The following ANO3 variants were observed in gnomAD, a reference collection of about 807,000 sequenced individuals.
ANO3 encodes anoctamin 3.
ANO3 carries 99 observed loss-of-function variants against 144.8 expected under a neutral mutation model. The ratio of observed to expected loss-of-function variants is 0.68; its 90% CI spans 0.58 to 0.81. ANO3 has a LOEUF of 0.81. ANO3 is among the 30% of genes least tolerant of loss of function. The pLI, the probability that ANO3 is intolerant of heterozygous loss-of-function variation, is 0.00. For synonymous variants in ANO3, 414 were observed against 392.6 expected (o/e 1.05, Z -0.64); for missense variants, 905 against 1,202.2 (o/e 0.75, Z 3.66).
At chr11:26,222,972 C>T (rs778887940) in intron 1 of ANO3, among the ~76,000 whole-genome samples, 1 of 152,040 alleles carries the variant, frequency 6.6e-6, no homozygotes, top group Non-Finnish European at 1.5e-5. Flanking sequence ...GCTGTCAGCT[C>T]CCTTTTAGAC....
intron 7 of ANO3, 133 bp downstream of exon 7, chr11:26,525,812 C>A (rs1849148282): frequency 1.6e-6 from 1 of 614,636 alleles, no homozygotes; most frequent in East Asian, 3.1e-5. Flanking sequence ...AAGATATTTC[C>A]AAAATAACTT....
chr11:26,607,898 G>T (rs1449910259), intron 17 of ANO3, among the ~76,000 whole-genome samples: 1 of 152,174 alleles, frequency 6.6e-6, no homozygotes, highest in Admixed American at 6.5e-5. Flanking sequence ...TTAGCTCAGT[G>T]GTGTTTGTTA....
chr11:26,470,764 G>A (rs1022399463), intron 4 of ANO3, among the ~76,000 whole-genome samples: 20 of 151,892 alleles, frequency 1.3e-4, no homozygotes, highest in African/African-American at 4.8e-4. Flanking sequence ...TTAACACCGG[G>A]TGGTAAAATT....
At chr11:26,639,048 C>T in intron 20 of ANO3, 96 bp from the exon 21 acceptor site, 2 of 800,710 alleles carry the variant, frequency 2.5e-6, no homozygotes, top group South Asian at 1.6e-5. Context: ...ATGGTGTGAC[C>T]CAGCTTTAAA....
chr11:26,450,410 G>A (rs766175168), intron 3 of ANO3, among the ~76,000 whole-genome samples: 1 of 152,148 alleles, frequency 6.6e-6, no homozygotes, highest in Non-Finnish European at 1.5e-5. Flanking sequence ...GAACAATAGG[G>A]CTAGGGAGAA....
At chr11:26,508,927 A>C (rs1308710907) in intron 5 of ANO3, 2 of 151,888 alleles carry the variant, frequency 1.3e-5, no homozygotes, top group African/African-American at 4.8e-5. Context: ...CAATATCTAC[A>C]GTCTCTCAAA....
chr11:26,285,883 A>C (rs1303433796), intron 1 of ANO3: 3 of 152,146 alleles, frequency 2.0e-5, no homozygotes, highest in African/African-American at 7.2e-5. Context: ...CATCCCTCAA[A>C]GTGGAGTCCC....
rs5790575 is a variant in ANO3, at chr11:26,378,894, G to GTT, written c.46+46581_46+46582dup. On this transcript the variant is annotated intron_variant, in intron 1 of 26. Coordinates refer to ENST00000256737, the MANE Select transcript of ANO3 (RefSeq NM_031418.4). ...TCATTATAAGTCTTTAGGAGGCTAA[G>GTT]TTTTTTTTTAAGATTCTGAGATTTA... Among the ~76,000 whole-genome samples, 23 of 146,904 alleles carry GTT rather than the reference G, an allele frequency of 1.6e-4. No individual in the cohort carries two copies. In the East Asian group the frequency reaches 3.1e-3, roughly 20 times the overall value.
At chr11:26,570,409 T>C (rs1337913627) in intron 14 of ANO3, among the ~76,000 whole-genome samples, 1 of 152,110 alleles carries the variant, frequency 6.6e-6, no homozygotes, top group Non-Finnish European at 1.5e-5. Context: ...CATTATTCTG[T>C]CCAGGCTCTC....
chr11:26,541,479 T>C (rs1590491602), intron 10 of ANO3, among the ~76,000 whole-genome samples: 1 of 152,114 alleles, frequency 6.6e-6, no homozygotes, highest in East Asian at 1.9e-4. Context: ...CTAGCACTGG[T>C]GGCTGAGGCC....
chr11:26,404,205 T>A (rs1857218980), intron 1 of ANO3, among the ~76,000 whole-genome samples: 1 of 151,728 alleles, frequency 6.6e-6, no homozygotes, highest in Admixed American at 6.6e-5. Flanking sequence ...AATATTTTAA[T>A]GAAAGAAAGA....
At chr11:26,531,130 A>C in intron 7 of ANO3, 75 bp from the exon 8 acceptor site, 2 of 1,530,608 alleles carry the variant, frequency 1.3e-6, no homozygotes, top group Non-Finnish European at 1.8e-6. Flanking sequence ...TTAGTACTTA[A>C]GTGAATTGTA....
chr11:26,332,224 C>T lies in ANO3; in HGVS notation c.-52C>T, dbSNP rs1000875275. 21 of 1,613,916 alleles carry T rather than the reference C, an allele frequency of 1.3e-5. No homozygotes were observed. In the Admixed American group the frequency reaches 2.2e-4, roughly 17 times the overall value. On this transcript the variant is annotated 5_prime_UTR_variant, in exon 1 of 27. Transcript: ENST00000256737. Reference sequence around the variant, plus strand: ...CGTCTAGAGTCTGGCTACTGTTCCTCCGCCTCCCTCTCGGGCAGCTCCCTA... The same window carrying T: ...CGTCTAGAGTCTGGCTACTGTTCCTTCGCCTCCCTCTCGGGCAGCTCCCTA...
intron 20 of ANO3, among the ~76,000 whole-genome samples, chr11:26,638,104 TA>T (rs1482963851): frequency 6.6e-6 from 1 of 152,152 alleles, no homozygotes; most frequent in Admixed American, 6.5e-5. Flanking sequence ...ATTTATCACT[TA>T]AAAATGCATT....
At chr11:26,379,471 G>A (rs1856521913) in intron 1 of ANO3, among the ~76,000 whole-genome samples, 3 of 152,062 alleles carry the variant, frequency 2.0e-5, no homozygotes, top group African/African-American at 7.2e-5. Flanking sequence ...CTGTGGCTTG[G>A]TGTAACATTG....
intron 6 of ANO3, among the ~76,000 whole-genome samples, chr11:26,525,124 C>T (rs1479281552): frequency 1.3e-5 from 2 of 152,122 alleles, no homozygotes; most frequent in Non-Finnish European, 2.9e-5. Context: ...GATGACTTCT[C>T]ACCTCAACTA....
intron 1 of ANO3, among the ~76,000 whole-genome samples, chr11:26,202,327 T>C (rs1359937122): frequency 6.8e-6 from 1 of 146,252 alleles, no homozygotes; most frequent in Non-Finnish European, 1.5e-5. Context: ...TAGATACATA[T>C]GATATATATA....
intron 1 of ANO3, among the ~76,000 whole-genome samples, chr11:26,303,846 A>G (rs1450415622): frequency 2.0e-5 from 3 of 152,034 alleles, no homozygotes; most frequent in Admixed American, 1.3e-4. Flanking sequence ...CAGCCTCCCA[A>G]GTAGCTGAGA....
intron 17 of ANO3, among the ~76,000 whole-genome samples, chr11:26,600,392 TCCTCC>T (rs142182167): frequency 0.068 from 3,415 of 50,552 alleles, 198 homozygotes; most frequent in African/African-American, 0.11. Context: ...CCCTCTCCTC[TCCTCC>T]CCACCTCCCT....
Sources: gnomAD v4.1 joint callset for allele counts (sites outside exome capture counted in the v4.1 genomes callset) on GRCh38, gnomAD v4.1.1 for gene constraint, MANE v1.5 for transcripts, NCBI Gene and HGNC (gene_info 2026-07-23, HGNC 2026-07-21) for gene names.